EPS8: variants seen among roughly 807,000 people sequenced by gnomAD.
The protein encoded by EPS8 is EGFR pathway substrate 8, signaling adaptor.
A neutral mutation model predicts 103.8 loss-of-function variants in EPS8; 42 were observed. The ratio of observed to expected loss-of-function variants is 0.40; its 90% CI spans 0.32 to 0.52. The LOEUF (loss-of-function observed/expected upper bound fraction) is 0.52, where lower values mean the gene tolerates loss of function less well. Among genes scored for constraint, EPS8 ranks in the 20% least tolerant of loss-of-function variants. The probability of loss-of-function intolerance (pLI) is 0.40; values close to 1 mark genes in which losing one functional copy is unlikely to be tolerated. For synonymous variants in EPS8, 344 were observed against 344.6 expected, an observed-to-expected ratio of 1.00 and a Z score of 0.02; for missense variants, 969 against 1,005.1, an observed-to-expected ratio of 0.96 and a Z score of 0.49.
At position 15,696,550 on chromosome 12, in the gene EPS8, A is replaced by C. The variant is rs923986085; in HGVS notation, c.-21-13578T>G. ...CAGCTACTCGGGAGGCTAAGGCAGA[A>C]GAATTGCTTGAACCCAGGAGGCGGA... On this transcript the variant is annotated intron_variant, in intron 1 of 20. Coordinates refer to ENST00000281172, the MANE Select transcript of EPS8 (RefSeq NM_004447.6). The surrounding 1 kb of genome is among the most constrained non-coding windows in gnomAD (Gnocchi z 4.8). Among the ~76,000 whole-genome samples the C allele has an allele frequency of 6.6e-6, 1 of 152,132 alleles. No individual in the cohort carries two copies. Among genetic ancestry groups the C allele is most frequent in the Non-Finnish European group, 1.5e-5 (1 of 68,030 alleles).
In EPS8 at chr12:15,696,724, G is replaced by A. The variant is rs1946248453; in HGVS notation, c.-21-13752C>T. Among the ~76,000 whole-genome samples, 1 of 151,974 alleles carries A rather than the reference G, an allele frequency of 6.6e-6. No homozygotes were observed. Among genetic ancestry groups the A allele is most frequent in the South Asian group, 2.1e-4 (1 of 4,824 alleles). On this transcript the variant is annotated intron_variant, in intron 1 of 20. Transcript: ENST00000281172. The surrounding 1 kb of genome is among the most constrained non-coding windows in gnomAD (Gnocchi z 4.8). The stretch of plus-strand genomic sequence containing the variant: ...CTACTATTCCACTTGGGAAGAAATG[G>A]GACTTTTTTTACATGTCCACTTTGA...
chr12:15,637,661 G>A (rs922806258), intron 17 of EPS8, among the ~76,000 whole-genome samples: 1 of 152,194 alleles, frequency 6.6e-6, no homozygotes, highest in African/African-American at 2.4e-5. Flanking sequence ...CTTCCTTTTG[G>A]CAGCATGGTG....
At position 15,669,760 on chromosome 12, in the gene EPS8, T is replaced by G. The variant is rs1945782487; in HGVS notation, c.270A>C (p.Lys90Asn). 1 of 1,613,718 alleles carries G rather than the reference T, an allele frequency of 6.2e-7. No individual in the cohort carries two copies. Among genetic ancestry groups the G allele is most frequent in the South Asian group, 1.1e-5 (1 of 91,010 alleles). ...AMITVDDGIR[K>N]LKLLDAKGKV... ...TGCCCTTGGCATCAAGCAATTTCAA[T>G]TTCCTTATTCCATCATCAACAGTGA... The change falls in exon 5 of 21, where the codon AAA becomes AAC. Residue 90 changes from lysine to asparagine, a missense_variant. Lys to Asn is a moderately conservative substitution (Grantham distance 94). Transcript: ENST00000281172.
At chr12:15,682,171 A>G (rs1162084018) in intron 2 of EPS8, among the ~76,000 whole-genome samples, 2 of 152,048 alleles carry the variant, frequency 1.3e-5, no homozygotes, top group Non-Finnish European at 2.9e-5. Flanking sequence ...GAAATAGCAC[A>G]GTGTCTGTGG....
At chr12:15,644,461 G>A (rs531106015) in intron 15 of EPS8, among the ~76,000 whole-genome samples, 11 of 152,178 alleles carry the variant, frequency 7.2e-5, no homozygotes, top group South Asian at 2.1e-4. Flanking sequence ...TTGGGAGGCC[G>A]AAGCGGGCAG....
rs191462017 is a variant in EPS8 at position 15,748,327 on chromosome 12, C to T, written c.-22+40834G>A. On this transcript the variant is annotated intron_variant, in intron 1 of 20. Transcript: ENST00000281172. The surrounding 1 kb of genome is among the most constrained non-coding windows in gnomAD (Gnocchi z 4.8). ...GTAATATTCTTAAGTCAAATGCTCA[C>T]CAATTTTAAGTATTCATCTATTACC... is the stretch of plus-strand genomic sequence containing the variant. Among the ~76,000 whole-genome samples the T allele has an allele frequency of 9.9e-5, 15 of 152,234 alleles. No individual in the cohort carries two copies. In the East Asian group the frequency reaches 2.3e-3, roughly 24 times the overall value.
chr12:15,629,815 CTTTTTTA>C (rs1453309158), intron 18 of EPS8, among the ~76,000 whole-genome samples: 4 of 152,082 alleles, frequency 2.6e-5, no homozygotes. Context: ...GTTTTAGTGT[CTTTTTTA>C]TTTTTTATTT....
rs934924424 is a variant in EPS8 at position 15,736,338 on chromosome 12, A to G, written c.-22+52823T>C. Among the ~76,000 whole-genome samples, 11 of 152,238 alleles carry G rather than the reference A, an allele frequency of 7.2e-5. No homozygotes were observed. The highest frequency in any genetic ancestry group is 4.1e-4 in the South Asian group (2 of 4,832). ...AGATCTGGATTTGAATTCCAACGCC[A>G]TAAGTTAACACTACGGAAATACTGA... On this transcript the variant is annotated intron_variant, in intron 1 of 20. Transcript: ENST00000281172. The surrounding 1 kb of genome is among the most constrained non-coding windows in gnomAD (Gnocchi z 4.2).
intron 18 of EPS8, among the ~76,000 whole-genome samples, chr12:15,630,167 C>T (rs146599217): frequency 2.7e-5 from 4 of 148,226 alleles, no homozygotes; most frequent in African/African-American, 9.8e-5. Flanking sequence ...AGATAGATAT[C>T]CATCTCTCTC....
intron 17 of EPS8, among the ~76,000 whole-genome samples, chr12:15,638,914 G>A (rs1488154708): frequency 6.6e-6 from 1 of 152,162 alleles, no homozygotes; most frequent in African/African-American, 2.4e-5. Context: ...AAAAAGACAA[G>A]ACTGAACAGT....
Position 15,738,143 on chromosome 12 carries a change from A to G in EPS8, c.-22+51018T>C. Among the ~76,000 whole-genome samples, 2 of 152,262 alleles carry G rather than the reference A, an allele frequency of 1.3e-5. No homozygotes were observed. The highest frequency in any genetic ancestry group is 3.4e-3 in the Middle Eastern group (1 of 294). On this transcript the variant is annotated intron_variant, in intron 1 of 20. Transcript: ENST00000281172. This position sits in a 1 kb window ranked among gnomAD's most constrained non-coding sequence, Gnocchi z 6.2. ...GATAGTGTTTAATACATAGTAGCTAATATTTTAATTGTGAATATCTAACTA... is the reference window on the plus strand; with the variant it reads ...GATAGTGTTTAATACATAGTAGCTAGTATTTTAATTGTGAATATCTAACTA...
chr12:15,719,432 G>T (rs550835174), intron 1 of EPS8, among the ~76,000 whole-genome samples: 16 of 152,106 alleles, frequency 1.1e-4, no homozygotes, highest in Non-Finnish European at 2.1e-4. Context: ...CTTGAAGCTT[G>T]TATGTTACCA....
Position 15,658,727 on chromosome 12 carries a change from T to C in EPS8, c.938-142A>G. 3 of 637,374 alleles carry C rather than the reference T, an allele frequency of 4.7e-6. No homozygotes were observed. In the Admixed American group the frequency reaches 8.1e-5, roughly 17 times the overall value. The allele number at this position is 637,374 out of a possible 1,614,324, so 39.5% of individuals were successfully genotyped here. A position where few individuals can be genotyped will look rare whatever the true frequency, so the allele number is the denominator to read the frequency against. On this transcript the variant is annotated intron_variant, in intron 10 of 20. Transcript: ENST00000281172. Reference sequence around the variant, plus strand: ...CTAGTTACCGTGCTACATCTCATAGTCTGACTGTAACAAACTGAGAAGATA... The same window carrying C: ...CTAGTTACCGTGCTACATCTCATAGCCTGACTGTAACAAACTGAGAAGATA...
At chr12:15,773,247 C>A (rs1216780226) in intron 1 of EPS8, among the ~76,000 whole-genome samples, 1 of 152,130 alleles carries the variant, frequency 6.6e-6, no homozygotes, top group African/African-American at 2.4e-5. Context: ...ACATTTTAAA[C>A]TGACTCCATA....
intron 1 of EPS8, among the ~76,000 whole-genome samples, chr12:15,746,814 G>C (rs1946880437): frequency 6.6e-6 from 1 of 152,090 alleles, no homozygotes; most frequent in African/African-American, 2.4e-5. Context: ...CCATAATTTA[G>C]CTAATCAAAC....
intron 8 of EPS8, among the ~76,000 whole-genome samples, chr12:15,664,283 A>AT (rs151115559): frequency 4.6e-5 from 7 of 151,432 alleles, no homozygotes; most frequent in Middle Eastern, 3.4e-3. Context: ...CTGTTAATTA[A>AT]TTTTTTTTTA....
At chr12:15,621,666 A>T (rs987876507) in intron 20 of EPS8, among the ~76,000 whole-genome samples, 1 of 152,226 alleles carries the variant, frequency 6.6e-6, no homozygotes. Flanking sequence ...TCATTTGAAC[A>T]TGATAAAGAT....
rs1029086927 is a variant in EPS8 at position 15,640,917 on chromosome 12, T to C, written c.1678-71A>G. 2.7e-5 allele frequency: 38 copies of C among 1,422,186 alleles called. No individual in the cohort carries two copies. The African/African-American group carries it at 5.0e-4, about 19-fold the overall frequency. The allele number at this position is 1,422,186 out of a possible 1,614,324, so 88.1% of individuals were successfully genotyped here. On this transcript the variant is annotated intron_variant, in intron 16 of 20. Transcript: ENST00000281172. The stretch of plus-strand genomic sequence containing the variant: ...ATTCTACGAAAGAAGTTCCCTAGAC[T>C]TCAACAAAGAAAATTTTTCTACTTC...
intron 1 of EPS8, among the ~76,000 whole-genome samples, chr12:15,743,460 T>C (rs1946845097): frequency 6.6e-6 from 1 of 152,086 alleles, no homozygotes; most frequent in African/African-American, 2.4e-5. Context: ...GCCAAGACAA[T>C]CCTAAGCCAA....
Sources: gnomAD v4.1 joint callset for allele counts (sites outside exome capture counted in the v4.1 genomes callset) on GRCh38, gnomAD v4.1.1 for gene constraint, Gnocchi (gnomAD v3.1) non-coding constraint, MANE v1.5 for transcripts, NCBI Gene and HGNC (gene_info 2026-07-23, HGNC 2026-07-21) for gene names.